BRAP: variants seen among roughly 807,000 people sequenced by gnomAD.
BRAP encodes BRCA1-associated protein.
A neutral mutation model predicts 73.4 loss-of-function variants in BRAP; 42 were observed. That is an observed-to-expected ratio of 0.57 (90% CI 0.45 to 0.74). BRAP has a LOEUF of 0.74. Ranked by LOEUF, BRAP falls within the 30% of genes least tolerant of loss-of-function variation. The pLI, the probability that BRAP is intolerant of heterozygous loss-of-function variation, is 0.00. For synonymous variants in BRAP, 255 were observed against 267.4 expected, an observed-to-expected ratio of 0.95 and a Z score of 0.45; for missense variants, 593 against 751.4, an observed-to-expected ratio of 0.79 and a Z score of 2.46.
chr12:111,677,950 C>G (rs1210407180), intron 4 of BRAP, among the ~76,000 whole-genome samples: 2 of 152,094 alleles, frequency 1.3e-5, no homozygotes, highest in African/African-American at 2.4e-5. Flanking sequence ...GTACACTCTT[C>G]CCCCACTAAA....
At chr12:111,674,862 C>T (rs1025700109) in intron 4 of BRAP, among the ~76,000 whole-genome samples, 3 of 152,134 alleles carry the variant, frequency 2.0e-5, no homozygotes, top group South Asian at 4.1e-4. Flanking sequence ...CAGGAGAAAA[C>T]GGACTGCCTG....
chr12:111,655,752 TA>T lies in BRAP; in HGVS notation c.1222-98del, dbSNP rs1462179522. ...TGATATTTAATGATCCACAGAAAAC[TA>T]AAACTAACCAACAGAATGTATATTT... On this transcript the variant is annotated intron_variant, in intron 9 of 11. Transcript: ENST00000419234. 4.4e-4 allele frequency: 424 copies of T among 966,316 alleles called. 3 individuals carry two copies. Among genetic ancestry groups the T allele is most frequent in the Non-Finnish European group, 4.2e-5 (26 of 616,640 alleles). 59.9% of individuals were successfully genotyped at this position (966,316 alleles called of 1,614,324 possible). A position where few individuals can be genotyped will look rare whatever the true frequency, so the allele number is the denominator to read the frequency against.
chr12:111,678,939 T>G (rs1048135035), intron 4 of BRAP, among the ~76,000 whole-genome samples: 1 of 150,364 alleles, frequency 6.7e-6, no homozygotes, highest in East Asian at 2.0e-4. Flanking sequence ...CACAGCAAGA[T>G]CTCATCTCTA....
intron 1 of BRAP, among the ~76,000 whole-genome samples, chr12:111,685,364 G>A (rs1887776686): frequency 6.6e-6 from 1 of 152,216 alleles, no homozygotes; most frequent in Non-Finnish European, 1.5e-5. Context: ...ATTAACCCAG[G>A]GACCGTCCAG....
At chr12:111,681,551 C>T in intron 3 of BRAP, 86 bp downstream of exon 3, 1 of 1,119,794 alleles carries the variant, frequency 8.9e-7, no homozygotes, top group Non-Finnish European at 1.3e-6. Flanking sequence ...TACCCACTTT[C>T]CTTCAGGACA....
At chr12:111,678,742 T>A (rs1474176314) in intron 4 of BRAP, among the ~76,000 whole-genome samples, 1 of 142,652 alleles carries the variant, frequency 7.0e-6, no homozygotes, top group Non-Finnish European at 1.5e-5. Context: ...CAGGCTGGAG[T>A]GCAGTGGTGT....
At chr12:111,656,669 G>A (rs1447780418) in intron 9 of BRAP, among the ~76,000 whole-genome samples, 1 of 152,118 alleles carries the variant, frequency 6.6e-6, no homozygotes, top group African/African-American at 2.4e-5. Context: ...AGAGCAGGGA[G>A]TTTGTTCAAT....
At chr12:111,651,638 T>C (rs1338800205) in intron 10 of BRAP, among the ~76,000 whole-genome samples, 1 of 146,908 alleles carries the variant, frequency 6.8e-6, no homozygotes, top group African/African-American at 2.5e-5. Context: ...TTCTTTTCTT[T>C]TTTTTTTTTT....
At chr12:111,652,737 G>A (rs1009164414) in intron 10 of BRAP, among the ~76,000 whole-genome samples, 10 of 151,738 alleles carry the variant, frequency 6.6e-5, no homozygotes, top group Admixed American at 1.3e-4. Context: ...TTGAGATGGC[G>A]TCTCGCTCTG....
intron 3 of BRAP, 47 bp downstream of exon 3, chr12:111,681,583 CAAAAAAA>C (rs368877992): frequency 5.4e-6 from 6 of 1,120,022 alleles, no homozygotes; most frequent in South Asian, 5.1e-5. Flanking sequence ...TAAAGCAAAG[CAAAAAAA>C]AAAAAAAAAA....
intron 5 of BRAP, among the ~76,000 whole-genome samples, chr12:111,669,301 CT>C (rs1887080198): frequency 6.6e-6 from 1 of 151,414 alleles, no homozygotes; most frequent in African/African-American, 2.4e-5. Flanking sequence ...GTGATCTTGG[CT>C]CACCGCAACC....
At chr12:111,668,658 T>A (rs1887048694) in intron 5 of BRAP, among the ~76,000 whole-genome samples, 1 of 152,000 alleles carries the variant, frequency 6.6e-6, no homozygotes, top group South Asian at 2.1e-4. Flanking sequence ...TTTTTTTTTT[T>A]TTAATTTGTT....
intron 4 of BRAP, among the ~76,000 whole-genome samples, chr12:111,676,154 A>C (rs1302728373): frequency 6.6e-6 from 1 of 152,054 alleles, no homozygotes; most frequent in Admixed American, 6.5e-5. Context: ...TTGGGATTAC[A>C]GACATGAGCC....
In BRAP at chr12:111,683,237, C is replaced by T. The variant is rs1479843190; in HGVS notation, c.153G>A (p.Lys51=). The part of the protein sequence containing the change: ...LASAVACLEG[K]SPGEKVAIIH... ...TAATCGCTACTTTCTCTCCTGGTGA[C>T]TTGCCTTCTAAACAGGCTACAGCTG... is the stretch of plus-strand genomic sequence containing the variant. The change falls in exon 2 of 12, where the codon AAG becomes AAA. Residue 51 remains lysine (K), a synonymous_variant. Coordinates refer to ENST00000419234, the MANE Select transcript of BRAP (RefSeq NM_006768.5). 6.2e-7 allele frequency: 1 copy of T among 1,614,182 alleles called. No individual in the cohort carries two copies. Among genetic ancestry groups the T allele is most frequent in the Non-Finnish European group, 8.5e-7 (1 of 1,180,026 alleles).
chr12:111,685,208 C>T (rs1015449934), intron 1 of BRAP, among the ~76,000 whole-genome samples: 3 of 152,236 alleles, frequency 2.0e-5, no homozygotes, highest in Admixed American at 6.5e-5. Flanking sequence ...CCATCTGCCT[C>T]TTAGGGCTGT....
At position 111,685,823 on chromosome 12, in the gene BRAP, C is replaced by A. The variant is rs751943488; in HGVS notation, c.-31G>T. 3.6e-6 allele frequency: 5 copies of A among 1,404,182 alleles called. No individual in the cohort carries two copies. The highest frequency in any genetic ancestry group is 4.7e-6 in the Non-Finnish European group (5 of 1,066,434). The allele number at this position is 1,404,182 out of a possible 1,614,324, so 87.0% of individuals were successfully genotyped here. A position where few individuals can be genotyped will look rare whatever the true frequency, so the allele number is the denominator to read the frequency against. On this transcript the variant is annotated 5_prime_UTR_variant, in exon 1 of 12. Coordinates refer to ENST00000419234, the MANE Select transcript of BRAP (RefSeq NM_006768.5). ...AGGCGCTGGCCGGCGCGGGCCCCGG[C>A]GGGCTCAGGCGAGGCTGGAAGGCGA...
intron 10 of BRAP, among the ~76,000 whole-genome samples, chr12:111,653,012 C>T (rs1404131553): frequency 1.3e-5 from 2 of 152,028 alleles, no homozygotes; most frequent in South Asian, 2.1e-4. Context: ...GCCCGGCCAA[C>T]CCCCCGATCT....
chr12:111,661,713 G>GTTTTT (rs746875251), intron 6 of BRAP, among the ~76,000 whole-genome samples: 1 of 141,706 alleles, frequency 7.1e-6, no homozygotes, highest in South Asian at 2.2e-4. Context: ...AAAAAAAAAG[G>GTTTTT]TTTTTTTTTT....
At chr12:111,660,096 G>C (rs1430341320) in intron 7 of BRAP, among the ~76,000 whole-genome samples, 1 of 150,318 alleles carries the variant, frequency 6.7e-6, no homozygotes, top group Non-Finnish European at 1.5e-5. Context: ...AAAAGAAAAA[G>C]AAAAAACTGT....
Sources: allele counts gnomAD v4.1 joint callset (sites outside exome capture counted in the v4.1 genomes callset), GRCh38; gene constraint gnomAD v4.1.1; transcripts MANE v1.5; gene names NCBI Gene and HGNC (gene_info 2026-07-23, HGNC 2026-07-21).